DYNC2H1: variants seen among roughly 807,000 people sequenced by gnomAD.
DYNC2H1 encodes cytoplasmic dynein 2 heavy chain 1.
DYNC2H1 carries 410 observed loss-of-function variants against 570.0 expected under a neutral mutation model. That is an observed-to-expected ratio of 0.72 (90% CI 0.66 to 0.78). The LOEUF is 0.78. Ranked by LOEUF, DYNC2H1 falls within the 30% of genes least tolerant of loss-of-function variation. The pLI, the probability that DYNC2H1 is intolerant of heterozygous loss-of-function variation, is 0.00. For synonymous variants in DYNC2H1, 1,688 were observed against 1,677.6 expected, an observed-to-expected ratio of 1.01 and a Z score of -0.15; for missense variants, 4,865 against 5,046.4, an observed-to-expected ratio of 0.96 and a Z score of 1.09.
At chr11:103,225,203 T>C (rs1318005406) in intron 59 of DYNC2H1, among the ~76,000 whole-genome samples, 2 of 152,178 alleles carry the variant, frequency 1.3e-5, no homozygotes, top group Non-Finnish European at 2.9e-5. Context: ...CTGTGGGTTG[T>C]CTGTTAACTC....
At chr11:103,470,441 CTTT>C (rs1373355255) in intron 88 of DYNC2H1, among the ~76,000 whole-genome samples, 2 of 152,048 alleles carry the variant, frequency 1.3e-5, no homozygotes, top group African/African-American at 4.8e-5. Context: ...TATTATTATT[CTTT>C]AAGTTTTAGG....
At chr11:103,251,501 C>T (rs1591475693) in intron 65 of DYNC2H1, among the ~76,000 whole-genome samples, 1 of 152,050 alleles carries the variant, frequency 6.6e-6, no homozygotes. Context: ...AGCAAATTAA[C>T]ATATCTATCA....
At position 103,244,909 on chromosome 11, in the gene DYNC2H1, G is replaced by A. The variant is rs938987527; in HGVS notation, c.9919-342G>A. Among the ~76,000 whole-genome samples, 5 of 149,302 alleles carry A rather than the reference G, an allele frequency of 3.3e-5. No individual in the cohort carries two copies. Among genetic ancestry groups the A allele is most frequent in the East Asian group, 2.0e-4 (1 of 5,116 alleles). ...CACACATACACACACACATACACACGCCTGGGGTGATGTTTAAAACTACTC... is the reference window on the plus strand; with the variant it reads ...CACACATACACACACACATACACACACCTGGGGTGATGTTTAAAACTACTC... On this transcript the variant is annotated intron_variant, in intron 64 of 88. Coordinates refer to ENST00000375735, the MANE Select transcript of DYNC2H1 (RefSeq NM_001377.3). This position sits in a 1 kb window ranked among gnomAD's most constrained non-coding sequence, Gnocchi z 4.3.
chr11:103,116,620 G>A lies in DYNC2H1; in HGVS notation c.672G>A (p.Val224=), dbSNP rs1463440022. 1.9e-6 allele frequency: 3 copies of A among 1,608,604 alleles called. No individual in the cohort carries two copies. The highest frequency in any genetic ancestry group is 1.3e-5 in the African/African-American group (1 of 74,814). ...CCTTACTAGAAGTTGTTGACTTGGT[G>A]GAGACTACTCAGGATGTTGTAGATG... ...SLSLLEVVDL[V]ETTQDVVDDV... The change falls in exon 5 of 89, where the codon GTG becomes GTA. Residue 224 remains valine, a synonymous_variant. Coordinates refer to ENST00000375735, the MANE Select transcript of DYNC2H1 (RefSeq NM_001377.3).
rs368267709 is a variant in DYNC2H1 at position 103,385,988 on chromosome 11, A to C, written c.12157-13675A>C. On this transcript the variant is annotated intron_variant, in intron 83 of 88. Coordinates refer to ENST00000375735, the MANE Select transcript of DYNC2H1 (RefSeq NM_001377.3). ...ACACTTAGTTACTATGAGAGAATTA[A>C]TAAGCAATCTGATCTAGAATACCTC... 1.2e-4 allele frequency among the ~76,000 whole-genome samples: 18 copies of C among 152,326 alleles called. No homozygotes were observed. In the East Asian group the frequency reaches 3.5e-3, roughly 29 times the overall value.
At chr11:103,191,154 C>G (rs1165995922) in intron 45 of DYNC2H1, among the ~76,000 whole-genome samples, 1 of 150,950 alleles carries the variant, frequency 6.6e-6, no homozygotes, top group Non-Finnish European at 1.5e-5. Flanking sequence ...ATTCTTCTGC[C>G]TTAGCCTCTC....
At chr11:103,219,765 C>A in intron 55 of DYNC2H1, 150 bp from the exon 56 acceptor site, 1 of 491,354 alleles carries the variant, frequency 2.0e-6, no homozygotes, top group Admixed American at 4.2e-5. Context: ...GTTTCCCAGG[C>A]ATTTTGGAAA....
chr11:103,350,458 A>T (rs2671349), intron 82 of DYNC2H1, among the ~76,000 whole-genome samples: 103,079 of 151,934 alleles, frequency 0.68, 35,038 homozygotes, highest in Admixed American at 0.73. Flanking sequence ...ATAAACATAG[A>T]GCTAGTTGGC....
At chr11:103,136,494 C>T (rs1400729411) in intron 17 of DYNC2H1, among the ~76,000 whole-genome samples, 17 of 151,218 alleles carry the variant, frequency 1.1e-4, no homozygotes, top group East Asian at 7.8e-4. Flanking sequence ...TTTGTTCTTG[C>T]GATAGTTTAC....
At chr11:103,456,057 C>CT (rs892941904) in intron 86 of DYNC2H1, among the ~76,000 whole-genome samples, 1 of 151,826 alleles carries the variant, frequency 6.6e-6, no homozygotes, top group African/African-American at 2.4e-5. Flanking sequence ...AAAGAAAGGC[C>CT]TTATCCTTAA....
Position 103,304,715 on chromosome 11 carries a change from G to A in DYNC2H1, c.11377G>A (p.Glu3793Lys). 3 of 1,610,738 alleles carry A rather than the reference G, an allele frequency of 1.9e-6. No homozygotes were observed. Among genetic ancestry groups the A allele is most frequent in the Non-Finnish European group, 2.5e-6 (3 of 1,178,488 alleles). The change falls in exon 77 of 89, where the codon GAA becomes AAA. Residue 3793 changes from glutamate to lysine, a missense_variant. This residue lies in a region of DYNC2H1 where 2,401 missense variants were observed against 2,454.6 expected (regional missense o/e 0.98). Transcript: ENST00000375735. ...TGTGGTATCTTGGCTGCCAGTTCTG[G>A]AAAAGGTAGATTCAGATAAATGTAC... ...HLVVSWLPVL[E>K]KELNTLQPKD...
At chr11:103,473,102 A>G (rs1002214599) in intron 88 of DYNC2H1, among the ~76,000 whole-genome samples, 1 of 152,224 alleles carries the variant, frequency 6.6e-6, no homozygotes, top group African/African-American at 2.4e-5. Context: ...AGGAAGCTCT[A>G]TCATTGCCTC....
chr11:103,117,513 T>C, intron 5 of DYNC2H1, 118 bp from the exon 6 acceptor site: 4 of 807,878 alleles, frequency 5.0e-6, no homozygotes, highest in South Asian at 2.8e-5. Flanking sequence ...TGGTATTTCA[T>C]AGATCCTTAG....
intron 87 of DYNC2H1, among the ~76,000 whole-genome samples, chr11:103,458,657 T>G (rs1944882415): frequency 1.6e-5 from 2 of 126,808 alleles, no homozygotes. Flanking sequence ...AAATTTTTCT[T>G]AGCTCTTTTT....
At chr11:103,450,054 C>T (rs1056910479) in intron 85 of DYNC2H1, among the ~76,000 whole-genome samples, 3 of 151,994 alleles carry the variant, frequency 2.0e-5, no homozygotes, top group African/African-American at 7.2e-5. Flanking sequence ...GCTGGTGTAG[C>T]TATATTAAAT....
chr11:103,121,824 A>T (rs761604666), intron 10 of DYNC2H1, among the ~76,000 whole-genome samples: 1 of 152,162 alleles, frequency 6.6e-6, no homozygotes, highest in Non-Finnish European at 1.5e-5. Flanking sequence ...GGTGCTGCAC[A>T]TCTGTAGTCC....
At chr11:103,372,483 G>A (rs201715472) in intron 83 of DYNC2H1, among the ~76,000 whole-genome samples, 1 of 152,076 alleles carries the variant, frequency 6.6e-6, no homozygotes, top group Non-Finnish European at 1.5e-5. Context: ...TGTGTCTGTT[G>A]AAATGATCAT....
chr11:103,448,098 C>G (rs1944485205), intron 85 of DYNC2H1, among the ~76,000 whole-genome samples: 1 of 152,028 alleles, frequency 6.6e-6, no homozygotes, highest in South Asian at 2.1e-4. Flanking sequence ...GATGCAGGTT[C>G]TATGCTTACT....
At chr11:103,432,872 C>T (rs72987409) in intron 84 of DYNC2H1, among the ~76,000 whole-genome samples, 4,120 of 152,192 alleles carry the variant, frequency 0.027, 73 homozygotes, top group Non-Finnish European at 0.041. Context: ...ACATAGTAAG[C>T]ACCCAATAAA....
Sources: allele counts gnomAD v4.1 joint callset (sites outside exome capture counted in the v4.1 genomes callset), GRCh38; gene constraint gnomAD v4.1.1; regional missense constraint gnomAD v4.1.1; non-coding constraint Gnocchi (gnomAD v3.1); transcripts MANE v1.5; gene names NCBI Gene and HGNC (gene_info 2026-07-23, HGNC 2026-07-21).